Variants in PAK1 observed in about 807,000 individuals in gnomAD.
PAK1 encodes serine/threonine-protein kinase PAK 1.
In PAK1, 29 loss-of-function variants were observed where a neutral mutation model predicts 67.4. That is an observed-to-expected ratio of 0.43 (90% CI 0.32 to 0.59). PAK1 has a LOEUF of 0.59. Ranked by LOEUF, PAK1 falls within the 20% of genes least tolerant of loss-of-function variation. The pLI, the probability that PAK1 is intolerant of heterozygous loss-of-function variation, is 0.07. For synonymous variants in PAK1, 223 were observed against 237.4 expected (o/e 0.94, Z 0.56); for missense variants, 337 against 670.7 (o/e 0.50, Z 5.50).
chr11:77,462,923 T>C (rs1028980513), intron 1 of PAK1, among the ~76,000 whole-genome samples: 2 of 111,450 alleles, frequency 1.8e-5, no homozygotes, highest in African/African-American at 3.4e-5. Context: ...ACTCACTCAA[T>C]CAAAGTGCCT....
At chr11:77,491,805 C>G in the PAK1 span, among the ~76,000 whole-genome samples, 51 of 151,814 alleles carry the variant, frequency 3.4e-4, no homozygotes, top group Non-Finnish European at 6.0e-4. Flanking sequence ...AACCAGAAAA[C>G]AAATTTAAAA....
At chr11:77,526,742 C>A in the PAK1 span, among the ~76,000 whole-genome samples, 2 of 151,994 alleles carry the variant, frequency 1.3e-5, no homozygotes, top group Non-Finnish European at 2.9e-5. Flanking sequence ...ATGGTGAAAC[C>A]CGGTCTCTAC....
At chr11:77,430,773 A>G (rs545734679) in intron 1 of PAK1, among the ~76,000 whole-genome samples, 7 of 152,326 alleles carry the variant, frequency 4.6e-5, no homozygotes, top group African/African-American at 1.4e-4. Flanking sequence ...TAGGAAAAGA[A>G]TCTTTAAAGC....
intron 7 of PAK1, 113 bp from the exon 8 acceptor site, chr11:77,353,712 G>A (rs576787282): frequency 8.0e-5 from 63 of 783,272 alleles, no homozygotes; most frequent in Non-Finnish European, 1.3e-4. Context: ...ACCTCCAATA[G>A]CCAAAAAGCA....
chr11:77,502,250 G>A, the PAK1 span, among the ~76,000 whole-genome samples: 19 of 152,034 alleles, frequency 1.2e-4, 1 homozygote, highest in South Asian at 4.0e-3. Context: ...ATTTATCCAG[G>A]AACTACATAT....
intron 2 of PAK1, among the ~76,000 whole-genome samples, chr11:77,388,087 C>T (rs188382643): frequency 6.6e-6 from 1 of 152,310 alleles, no homozygotes; most frequent in African/African-American, 2.4e-5. Context: ...ATAGTTAGAT[C>T]ATTTTGCAAG....
intron 1 of PAK1, among the ~76,000 whole-genome samples, chr11:77,450,355 A>G (rs1956802332): frequency 6.6e-6 from 1 of 152,188 alleles, no homozygotes; most frequent in Non-Finnish European, 1.5e-5. Flanking sequence ...CCCCAGCATT[A>G]AAAACCCGAA....
chr11:77,367,710 G>C (rs1470685447), intron 5 of PAK1, among the ~76,000 whole-genome samples: 1 of 152,184 alleles, frequency 6.6e-6, no homozygotes, highest in African/African-American at 2.4e-5. Flanking sequence ...TGGGCGTGGT[G>C]GCTCACGCCT....
chr11:77,523,435 T>TC, the PAK1 span, among the ~76,000 whole-genome samples: 65 of 150,254 alleles, frequency 4.3e-4, no homozygotes, highest in Middle Eastern at 3.5e-3. Flanking sequence ...TTTTTTTTTT[T>TC]TTGAGACAAA....
chr11:77,332,989 T>A (rs1286914007), intron 13 of PAK1, 122 bp from the exon 14 acceptor site: 2 of 836,840 alleles, frequency 2.4e-6, no homozygotes, highest in Admixed American at 2.1e-5. Flanking sequence ...AGCAGCTGTG[T>A]ATATATACTG....
At chr11:77,499,916 C>T in the PAK1 span, among the ~76,000 whole-genome samples, 1 of 152,174 alleles carries the variant, frequency 6.6e-6, no homozygotes, top group Admixed American at 6.5e-5. Context: ...TAGCACTCAC[C>T]TGATAAATCC....
chr11:77,529,843 C>T, the PAK1 span: 1 of 152,312 alleles, frequency 6.6e-6, no homozygotes, highest in African/African-American at 2.4e-5. Context: ...TTTTGAATGA[C>T]TGGGAGAGCA....
intron 14 of PAK1, chr11:77,325,417 TGTAAA>T: frequency 6.2e-7 from 1 of 1,604,970 alleles, no homozygotes; most frequent in South Asian, 1.1e-5. Flanking sequence ...ACAGAGTTGT[TGTAAA>T]GGACAATATA....
intron 1 of PAK1, among the ~76,000 whole-genome samples, chr11:77,462,723 T>C (rs1957408299): frequency 6.6e-6 from 1 of 151,780 alleles, no homozygotes. Flanking sequence ...TCCCAGCTAC[T>C]TGGGAGGCTG....
chr11:77,496,949 A>T, the PAK1 span, among the ~76,000 whole-genome samples: 105 of 152,322 alleles, frequency 6.9e-4, 1 homozygote, highest in South Asian at 0.021. Context: ...AAATAAAAAT[A>T]AAAAAACTGA....
the PAK1 span, among the ~76,000 whole-genome samples, chr11:77,521,342 CAA>C: frequency 6.6e-6 from 1 of 152,058 alleles, no homozygotes; most frequent in Non-Finnish European, 1.5e-5. Context: ...CCAGCCTGAC[CAA>C]CATGGAGAAA....
chr11:77,333,532 TA>T, intron 13 of PAK1, among the ~76,000 whole-genome samples: 1 of 152,288 alleles, frequency 6.6e-6, no homozygotes, highest in African/African-American at 2.4e-5. Flanking sequence ...CTGAAGGGTT[TA>T]TTATCCATTT....
At chr11:77,371,918 T>C (rs1219398463) in intron 5 of PAK1, among the ~76,000 whole-genome samples, 3 of 152,198 alleles carry the variant, frequency 2.0e-5, no homozygotes, top group African/African-American at 7.2e-5. Context: ...TACTGCAGTC[T>C]CCTTTATAAG....
At chr11:77,367,594 A>G (rs1467100284) in intron 5 of PAK1, among the ~76,000 whole-genome samples, 1 of 152,238 alleles carries the variant, frequency 6.6e-6, no homozygotes, top group African/African-American at 2.4e-5. Context: ...TGAAAGATGA[A>G]GTTGAGGAAG....
Sources: gnomAD v4.1 joint callset for allele counts (sites outside exome capture counted in the v4.1 genomes callset) on GRCh38, gnomAD v4.1.1 for gene constraint, MANE v1.5 for transcripts, NCBI Gene and HGNC (gene_info 2026-07-23, HGNC 2026-07-21) for gene names.